The following TADA2A variants were observed in gnomAD, a reference collection of about 807,000 sequenced individuals.
The protein encoded by TADA2A is transcriptional adaptor 2A, also known as transcriptional adapter 2-alpha.
TADA2A carries 38 observed loss-of-function variants against 67.4 expected under a neutral mutation model. The observed-to-expected ratio is 0.56, with a 90% CI of 0.44 to 0.74. The LOEUF (loss-of-function observed/expected upper bound fraction) is 0.74, where lower values mean the gene tolerates loss of function less well. TADA2A is among the 30% of genes least tolerant of loss of function. The probability of loss-of-function intolerance (pLI) is 0.00; values close to 1 mark genes in which losing one functional copy is unlikely to be tolerated. For missense variants in TADA2A, 454 were observed against 547.0 expected (o/e 0.83, Z 1.70); for synonymous variants, 192 against 181.6 (o/e 1.06, Z -0.46).
chr17:37,440,561 A>G lies in TADA2A; in HGVS notation c.341A>G (p.Tyr114Cys). The change falls in exon 6 of 16, where the codon TAT becomes TGT. Residue 114 changes from tyrosine to cysteine, a missense_variant. Coordinates refer to ENST00000615182, the MANE Select transcript of TADA2A (RefSeq NM_001166105.3). ...ACCAAGGAGGAGTGTGAGAAGCACT[A>G]TATGAAGCATTTCATCAATAACCCT... is the stretch of plus-strand genomic sequence containing the variant. ...TKTKEECEKH[Y>C]MKHFINNPLF... 2.5e-6 allele frequency: 4 copies of G among 1,614,160 alleles called. No individual in the cohort carries two copies. Among genetic ancestry groups the G allele is most frequent in the Non-Finnish European group, 2.5e-6 (3 of 1,180,006 alleles).
chr17:37,423,989 C>T (rs920919590), intron 3 of TADA2A, among the ~76,000 whole-genome samples: 1 of 151,994 alleles, frequency 6.6e-6, no homozygotes, highest in Non-Finnish European at 1.5e-5. Context: ...ACCTCATGAT[C>T]CATCTGCCTC....
chr17:37,461,845 A>G, intron 9 of TADA2A: 1 of 387,916 alleles, frequency 2.6e-6, no homozygotes, highest in Non-Finnish European at 4.7e-6. Context: ...CGTTCAGCAA[A>G]TAGTCATGGA....
chr17:37,419,392 T>A (rs2052159150), intron 2 of TADA2A, among the ~76,000 whole-genome samples: 1 of 145,642 alleles, frequency 6.9e-6, no homozygotes, highest in South Asian at 2.3e-4. Context: ...CAGGCTGGTC[T>A]CGAACTCCTG....
At position 37,476,907 on chromosome 17, in the gene TADA2A, C is replaced by A. The variant is rs1305080701; in HGVS notation, c.1257C>A (p.Leu419=). ...GGLRLAQARA[L]IKIDVNKTRK... is the part of the protein sequence containing the mutation. Reference sequence around the variant, plus strand: ...TAAGACTGGCGCAGGCAAGAGCACTCATCAAGATAGATGTGAACAAAACCC... The same window carrying A: ...TAAGACTGGCGCAGGCAAGAGCACTAATCAAGATAGATGTGAACAAAACCC... Residue 419 remains leucine, a synonymous_variant, in exon 16 of 16, where the codon CTC becomes CTA. Coordinates refer to ENST00000615182, the MANE Select transcript of TADA2A (RefSeq NM_001166105.3). 2 of 1,614,160 alleles carry A rather than the reference C, an allele frequency of 1.2e-6. No individual in the cohort carries two copies. The highest frequency in any genetic ancestry group is 1.7e-6 in the Non-Finnish European group (2 of 1,180,034).
At chr17:37,465,364 A>G in intron 10 of TADA2A, 67 bp from the exon 11 acceptor site, 1 of 1,294,042 alleles carries the variant, frequency 7.7e-7, no homozygotes, top group Non-Finnish European at 1.1e-6. Flanking sequence ...GTAAAAAAAA[A>G]AAAATGCTGA....
intron 1 of TADA2A, 40 bp from the exon 2 acceptor site, chr17:37,411,225 TTGAA>T: frequency 1.3e-6 from 1 of 749,702 alleles, no homozygotes; most frequent in Non-Finnish European, 2.4e-6. Flanking sequence ...TCTTGTCCCT[TTGAA>T]TGATTTTCTG....
At chr17:37,437,677 G>C in intron 4 of TADA2A, 61 bp from the exon 5 acceptor site, 1 of 1,494,350 alleles carries the variant, frequency 6.7e-7, no homozygotes, top group South Asian at 1.1e-5. Context: ...GTGAGCCACC[G>C]TGCCTGGCCC....
chr17:37,476,862 A>G lies in TADA2A; in HGVS notation c.1212A>G (p.Glu404=). The change falls in exon 16 of 16, where the codon GAA becomes GAG. Residue 404 remains glutamate, a synonymous_variant. Coordinates refer to ENST00000615182, the MANE Select transcript of TADA2A (RefSeq NM_001166105.3). ...YLEYKSALLN[E]CNKQGGLRLA... is the part of the protein sequence containing the mutation. ...AATACAAATCTGCTCTATTGAACGA[A>G]TGTAACAAGCAAGGAGGCTTAAGAC... 1.2e-6 allele frequency: 2 copies of G among 1,614,210 alleles called. No individual in the cohort carries two copies. The highest frequency in any genetic ancestry group is 1.7e-6 in the Non-Finnish European group (2 of 1,180,030).
At chr17:37,441,769 C>T (rs1441294464) in intron 6 of TADA2A, among the ~76,000 whole-genome samples, 2 of 151,184 alleles carry the variant, frequency 1.3e-5, no homozygotes, top group Middle Eastern at 3.2e-3. Flanking sequence ...AGGGTTCAAA[C>T]GATTCTCGTG....
Position 37,476,971 on chromosome 17 carries a change from A to C in TADA2A, c.1321A>C (p.Thr441Pro). 6.2e-7 allele frequency: 1 copy of C among 1,610,624 alleles called. No individual in the cohort carries two copies. Among genetic ancestry groups the C allele is most frequent in the Non-Finnish European group, 8.5e-7 (1 of 1,177,348 alleles). The change falls in exon 16 of 16, where the codon ACT (threonine) becomes CCT (proline). Residue 441 changes from threonine to proline, a missense_variant. Thr to Pro is a conservative substitution (Grantham distance 38, BLOSUM62 -1). Around this residue, in one of 2 missense-constraint regions of TADA2A, gnomAD observed 51 missense variants for 91.5 expected, o/e 0.56. Coordinates refer to ENST00000615182, the MANE Select transcript of TADA2A (RefSeq NM_001166105.3). ...YDFLIREGYI[T>P]KG ...TTTCCTCATCAGAGAAGGATACATC[A>C]CTAAAGGCTAAGGCTCCAAGAGCTT...
intron 3 of TADA2A, 71 bp downstream of exon 3, chr17:37,423,686 T>TAA: frequency 9.0e-7 from 1 of 1,113,574 alleles, no homozygotes; most frequent in South Asian, 1.4e-5. Context: ...TTTCGGAGAT[T>TAA]ACTGTCAACT....
At position 37,467,656 on chromosome 17, in the gene TADA2A, C is replaced by T. The variant is rs1051461440; in HGVS notation, c.895+131C>T. ...CTTTACCAGAATGCTTTAAACCTTTCCAGTAAAGTTTTGGCTATTTAATCC... is the reference window on the plus strand; with the variant it reads ...CTTTACCAGAATGCTTTAAACCTTTTCAGTAAAGTTTTGGCTATTTAATCC... On this transcript the variant is annotated intron_variant, in intron 12 of 15. Coordinates refer to ENST00000615182, the MANE Select transcript of TADA2A (RefSeq NM_001166105.3). 8 of 734,570 alleles carry T rather than the reference C, an allele frequency of 1.1e-5. No individual in the cohort carries two copies. In the African/African-American group the frequency reaches 1.4e-4, roughly 13 times the overall value. 45.5% of individuals were successfully genotyped at this position (734,570 alleles called of 1,614,324 possible).
chr17:37,458,484 AT>A, intron 8 of TADA2A, 39 bp from the exon 9 acceptor site: 1 of 1,294,772 alleles, frequency 7.7e-7, no homozygotes, highest in Non-Finnish European at 1.0e-6. Context: ...TAATATATAT[AT>A]GATATGTATA....
At chr17:37,446,522 G>A (rs1461729344) in intron 8 of TADA2A, among the ~76,000 whole-genome samples, 1 of 151,820 alleles carries the variant, frequency 6.6e-6, no homozygotes, top group African/African-American at 2.4e-5. Context: ...CTAGCACTTT[G>A]GGAGGCCGAG....
chr17:37,441,207 C>T (rs946345149), intron 6 of TADA2A, among the ~76,000 whole-genome samples: 3 of 152,092 alleles, frequency 2.0e-5, no homozygotes, highest in Admixed American at 6.6e-5. Flanking sequence ...TGTGTAGTTC[C>T]ACCTACCTTG....
At chr17:37,447,346 G>A (rs1179035838) in intron 8 of TADA2A, among the ~76,000 whole-genome samples, 1 of 152,076 alleles carries the variant, frequency 6.6e-6, no homozygotes, top group African/African-American at 2.4e-5. Flanking sequence ...GTAGAGAGAG[G>A]GTTTTGCCAT....
intron 2 of TADA2A, among the ~76,000 whole-genome samples, chr17:37,417,707 G>C (rs911229112): frequency 2.6e-5 from 4 of 151,868 alleles, no homozygotes; most frequent in African/African-American, 7.3e-5. Flanking sequence ...GACAATTTTT[G>C]TATTTTTATT....
chr17:37,415,874 C>A (rs1245901022), intron 2 of TADA2A, among the ~76,000 whole-genome samples: 962 of 105,164 alleles, frequency 9.1e-3, no homozygotes, highest in Admixed American at 0.01. Flanking sequence ...AACTCCTTCT[C>A]AAAAAAAAAA....
chr17:37,452,128 G>A (rs1197117235), intron 8 of TADA2A, among the ~76,000 whole-genome samples: 2 of 152,058 alleles, frequency 1.3e-5, no homozygotes, highest in Non-Finnish European at 2.9e-5. Flanking sequence ...ATATGGCCAG[G>A]CGCGATGGCT....
Sources: allele counts gnomAD v4.1 joint callset (sites outside exome capture counted in the v4.1 genomes callset), GRCh38; gene constraint gnomAD v4.1.1; regional missense constraint gnomAD v4.1.1; transcripts MANE v1.5; gene names NCBI Gene and HGNC (gene_info 2026-07-23, HGNC 2026-07-21).